Variants in WDFY1 observed in about 807,000 individuals in gnomAD.
WDFY1 encodes the protein WD repeat and FYVE domain containing 1, also known as WD repeat and FYVE domain-containing protein 1.
In WDFY1, 32 loss-of-function variants were observed where a neutral mutation model predicts 56.4. That is an observed-to-expected ratio of 0.57 (90% CI 0.43 to 0.76). The LOEUF is 0.76. Ranked by LOEUF, WDFY1 falls within the 30% of genes least tolerant of loss-of-function variation. WDFY1 has a pLI of 0.00. For synonymous variants in WDFY1, 192 were observed against 197.3 expected (o/e 0.97, Z 0.23); for missense variants, 480 against 545.7 (o/e 0.88, Z 1.20).
chr2:223,879,727 T>C (rs1050591494), intron 11 of WDFY1, among the ~76,000 whole-genome samples: 4 of 151,882 alleles, frequency 2.6e-5, no homozygotes, highest in Admixed American at 2.6e-4. Context: ...GACCCAGGGA[T>C]TTAATTGTTA....
intron 8 of WDFY1, among the ~76,000 whole-genome samples, chr2:223,891,064 T>G (rs1693266457): frequency 6.6e-6 from 1 of 152,024 alleles, no homozygotes; most frequent in African/African-American, 2.4e-5. Context: ...CTCTATGCCC[T>G]GGTCTAAGAA....
At chr2:223,938,357 A>G (rs1689239114) in intron 1 of WDFY1, among the ~76,000 whole-genome samples, 1 of 152,196 alleles carries the variant, frequency 6.6e-6, no homozygotes, top group Non-Finnish European at 1.5e-5. Flanking sequence ...GACTGTCTAC[A>G]TTTTTGGTGC....
At position 223,877,138 on chromosome 2, in the gene WDFY1, TCCTTA is replaced by T. The variant is rs988647851; in HGVS notation, c.*1528_*1532del. ...ATGATGTGCGTGACCCCCTTTCCTT[TCCTTA>T]CGTGTGTCACACAGCCATTAAGACA... On this transcript the variant is annotated 3_prime_UTR_variant, in exon 12 of 12. Coordinates refer to ENST00000233055, the MANE Select transcript of WDFY1 (RefSeq NM_020830.5). The T allele has an allele frequency of 6.6e-6, 1 of 152,176 alleles. No individual in the cohort carries two copies. Among genetic ancestry groups the T allele is most frequent in the African/African-American group, 2.4e-5 (1 of 41,456 alleles). The allele number at this position is 152,176 out of a possible 1,614,324, so 9.4% of individuals were successfully genotyped here.
chr2:223,943,200 A>C (rs1300240744), intron 1 of WDFY1, among the ~76,000 whole-genome samples: 1 of 150,166 alleles, frequency 6.7e-6, no homozygotes, highest in African/African-American at 2.4e-5. Flanking sequence ...AAAAAAAAAA[A>C]AGTCATTATT....
At chr2:223,941,264 AC>A (rs1689299069) in intron 1 of WDFY1, among the ~76,000 whole-genome samples, 1 of 129,118 alleles carries the variant, frequency 7.7e-6, no homozygotes, top group Non-Finnish European at 1.8e-5. Context: ...GCCCCCAAAA[AC>A]TTTTTTTTTT....
intron 1 of WDFY1, among the ~76,000 whole-genome samples, chr2:223,930,537 A>G (rs921046732): frequency 2.0e-5 from 3 of 152,012 alleles, no homozygotes; most frequent in Non-Finnish European, 4.4e-5. Flanking sequence ...CACCATGTTG[A>G]CCATACTGGT....
intron 3 of WDFY1, among the ~76,000 whole-genome samples, chr2:223,908,189 T>C (rs1473126752): frequency 1.3e-5 from 2 of 152,218 alleles, no homozygotes; most frequent in East Asian, 1.9e-4. Flanking sequence ...AATAAATACA[T>C]AAATAAAAAC....
intron 2 of WDFY1, among the ~76,000 whole-genome samples, chr2:223,915,339 G>A (rs1379444937): frequency 2.6e-5 from 4 of 152,220 alleles, no homozygotes; most frequent in African/African-American, 9.7e-5. Context: ...GTTAAGCCAA[G>A]TTAGAAAAGG....
chr2:223,880,012 A>G (rs943431347), intron 11 of WDFY1, 112 bp downstream of exon 11: 30 of 936,178 alleles, frequency 3.2e-5, no homozygotes, highest in Non-Finnish European at 4.7e-5. Flanking sequence ...TAAACTGGCA[A>G]TCATTTGCTT....
At chr2:223,935,685 G>A (rs773820105) in intron 1 of WDFY1, among the ~76,000 whole-genome samples, 10 of 152,154 alleles carry the variant, frequency 6.6e-5, no homozygotes, top group Non-Finnish European at 1.3e-4. Context: ...AGACTATGTG[G>A]GAAGATAAGA....
chr2:223,889,463 G>A (rs1303193518), intron 8 of WDFY1, among the ~76,000 whole-genome samples: 1 of 152,176 alleles, frequency 6.6e-6, no homozygotes, highest in African/African-American at 2.4e-5. Context: ...CCAGTAGGAT[G>A]TAATTGAATC....
rs188678138 is a variant in WDFY1 at position 223,875,834 on chromosome 2, T to G, written c.*2837A>C. The stretch of plus-strand genomic sequence containing the variant: ...ATCCAATAACGGAAGTAGAAGTACT[T>G]TAACGAAAACTGATTTTAGAAAAAT... On this transcript the variant is annotated 3_prime_UTR_variant, in exon 12 of 12. Coordinates refer to ENST00000233055, the MANE Select transcript of WDFY1 (RefSeq NM_020830.5). 1 of 152,312 alleles carries G rather than the reference T, an allele frequency of 6.6e-6. No individual in the cohort carries two copies. The highest frequency in any genetic ancestry group is 1.5e-5 in the Non-Finnish European group (1 of 68,016). 9.4% of individuals were successfully genotyped at this position (152,312 alleles called of 1,614,324 possible).
chr2:223,897,369 TA>T (rs199564987), intron 6 of WDFY1, among the ~76,000 whole-genome samples: 13,122 of 66,058 alleles, frequency 0.2, 1,495 homozygotes, highest in East Asian at 0.39. Context: ...TATATATATA[TA>T]TATATATATA....
chr2:223,894,561 C>T (rs549457979), intron 7 of WDFY1: 9 of 514,112 alleles, frequency 1.8e-5, no homozygotes, highest in East Asian at 7.0e-5. Flanking sequence ...ACTTTCAAAT[C>T]GGTCATTAAG....
At chr2:223,923,760 CA>C (rs914438443) in intron 1 of WDFY1, among the ~76,000 whole-genome samples, 13 of 149,342 alleles carry the variant, frequency 8.7e-5, no homozygotes, top group African/African-American at 2.5e-4. Flanking sequence ...GACTCCGTCT[CA>C]AAAAAAAAAA....
In WDFY1 at chr2:223,896,155, C is replaced by CAAAAAAAAAAAAAAAAAAAA; in HGVS notation, c.599-545_599-526dup. Among the ~76,000 whole-genome samples, 28 of 39,838 alleles carry CAAAAAAAAAAAAAAAAAAAA rather than the reference C, an allele frequency of 7.0e-4. 2 individuals are homozygous for CAAAAAAAAAAAAAAAAAAAA. Among genetic ancestry groups the CAAAAAAAAAAAAAAAAAAAA allele is most frequent in the East Asian group, 1.7e-3 (2 of 1,162 alleles). The allele number at this position is 39,838 out of a possible 152,430, so 26.1% of individuals were successfully genotyped here. A position where few individuals can be genotyped will look rare whatever the true frequency, so the allele number is the denominator to read the frequency against. On this transcript the variant is annotated intron_variant, in intron 6 of 11. Coordinates refer to ENST00000233055, the MANE Select transcript of WDFY1 (RefSeq NM_020830.5). ...TGGGTGACAGAGTGAGACTCTGTCT[C>CAAAAAAAAAAAAAAAAAAAA]AAAAAAAAAAAAAAAAAAAAAAAAA...
intron 7 of WDFY1, 31 bp from the exon 8 acceptor site, chr2:223,894,370 C>T: frequency 6.2e-7 from 1 of 1,610,644 alleles, no homozygotes; most frequent in Non-Finnish European, 8.5e-7. Flanking sequence ...AGTCACTTGT[C>T]TCCATGCGGA....
chr2:223,920,070 C>G (rs1485100811), intron 1 of WDFY1, among the ~76,000 whole-genome samples: 1 of 152,262 alleles, frequency 6.6e-6, no homozygotes, highest in Non-Finnish European at 1.5e-5. Context: ...CGTCCTCATT[C>G]ACACTGGAGG....
chr2:223,901,036 G>A lies in WDFY1; in HGVS notation c.485+147C>T. 7.5e-6 allele frequency: 7 copies of A among 928,596 alleles called. No individual in the cohort carries two copies. In the South Asian group the frequency reaches 1.3e-4, roughly 17 times the overall value. The allele number at this position is 928,596 out of a possible 1,614,324, so 57.5% of individuals were successfully genotyped here. Reference sequence around the variant, plus strand: ...TGCAATTTTTGCAATTACTTTCCATGGTAAAAAAAAAAATGCAATTACTTT... The same window carrying A: ...TGCAATTTTTGCAATTACTTTCCATAGTAAAAAAAAAAATGCAATTACTTT... On this transcript the variant is annotated intron_variant, in intron 5 of 11. Coordinates refer to ENST00000233055, the MANE Select transcript of WDFY1 (RefSeq NM_020830.5).
Sources: gnomAD v4.1 joint callset for allele counts (sites outside exome capture counted in the v4.1 genomes callset) on GRCh38, gnomAD v4.1.1 for gene constraint, MANE v1.5 for transcripts, NCBI Gene and HGNC (gene_info 2026-07-23, HGNC 2026-07-21) for gene names.